Variants in MGAM observed in about 807,000 individuals in gnomAD.
MGAM encodes the protein alpha-1,4-glucosidase.
A neutral mutation model predicts 358.8 loss-of-function variants in MGAM; 253 were observed. The observed-to-expected ratio is 0.71, with a 90% CI of 0.64 to 0.78. MGAM has a LOEUF of 0.78. MGAM is among the 30% of genes least tolerant of loss of function. MGAM has a pLI of 0.00. For synonymous variants in MGAM, 1,105 were observed against 1,227.1 expected (o/e 0.90, Z 2.08); for missense variants, 3,080 against 3,432.6 (o/e 0.90, Z 2.57).
At chr7:142,030,229 C>T in intron 10 of MGAM, 133 bp from the exon 11 acceptor site, 1 of 965,428 alleles carries the variant, frequency 1.0e-6, no homozygotes, top group Non-Finnish European at 1.5e-6. Flanking sequence ...ACTCAGATGC[C>T]AGGAACTGAT....
rs1486103834 is a variant in MGAM at position 142,042,497 on chromosome 7, A to G, written c.2498+1651A>G. Among the ~76,000 whole-genome samples, 2 of 27,676 alleles carry G rather than the reference A, an allele frequency of 7.2e-5. 1 individual carries two copies. The highest frequency in any genetic ancestry group is 1.1e-4 in the Non-Finnish European group (2 of 18,458). The allele number at this position is 27,676 out of a possible 152,430, so 18.2% of individuals were successfully genotyped here. ...TATAATATATATTATATACATATATATAATATATAATATATATTATATATA... is the reference window on the plus strand; with the variant it reads ...TATAATATATATTATATACATATATGTAATATATAATATATATTATATATA... On this transcript the variant is annotated intron_variant, in intron 21 of 70. Coordinates refer to ENST00000475668, the MANE Select transcript of MGAM (RefSeq NM_001365693.1).
rs771119061 is a variant in MGAM, at chr7:142,099,570, C to A, written c.7750-43C>A. ...GCAGGATGCATTGTTCAGGGAGGGG[C>A]CTGTCCTCTCCTTAGTCATCTCTTA... On this transcript the variant is annotated intron_variant, in intron 66 of 70. Transcript: ENST00000475668. The A allele has an allele frequency of 4.3e-6, 7 of 1,613,382 alleles. No homozygotes were observed. The East Asian group carries it at 1.3e-4, about 31-fold the overall frequency.
chr7:142,086,606 TA>T, intron 56 of MGAM, 48 bp from the exon 57 acceptor site: 1 of 924,388 alleles, frequency 1.1e-6, no homozygotes, highest in Non-Finnish European at 1.6e-6. Flanking sequence ...AAATACTATG[TA>T]AGGGAAATTG....
chr7:141,990,324 A>G (rs1803890802), intron 2 of MGAM, among the ~76,000 whole-genome samples: 4 of 152,202 alleles, frequency 2.6e-5, no homozygotes, highest in Admixed American at 6.5e-5. Context: ...TCCAAAGAAC[A>G]TGCACCTGTG....
Position 142,019,267 on chromosome 7 carries a change from T to G in MGAM, c.396T>G (p.Tyr132Ter). 1 of 1,613,716 alleles carries G rather than the reference T, an allele frequency of 6.2e-7. No homozygotes were observed. Among genetic ancestry groups the G allele is most frequent in the South Asian group, 1.1e-5 (1 of 91,082 alleles). ...QGAVSVPWCY[Y>*]SKNHSYHVEG... Reference sequence around the variant, plus strand: ...CTGTAAGTGTTCCCTGGTGCTACTATTCCAAGAATCATAGCTACCATGTAG... The same window carrying G: ...CTGTAAGTGTTCCCTGGTGCTACTAGTCCAAGAATCATAGCTACCATGTAG... The change falls in exon 4 of 71, where the codon TAT becomes TAG. Residue 132 changes from tyrosine (Y) to a stop codon, truncating the protein, a stop_gained. Transcript: ENST00000475668. LOFTEE classifies it high-confidence loss of function.
In MGAM at chr7:142,031,740, A is replaced by G; in HGVS notation, c.1531A>G (p.Thr511Ala). Residue 511 changes from threonine (T) to alanine (A), a missense_variant, in exon 13 of 71, where the codon ACA becomes GCA. Coordinates refer to ENST00000475668, the MANE Select transcript of MGAM (RefSeq NM_001365693.1). ...CAATCCCAACTGTGCTGTTTGGTGG[A>G]CAAAGGAATTTGAGCTTTTTCACAA... ...YTNPNCAVWWTKEFELFHNQV... is the reference protein window; with the variant it reads ...YTNPNCAVWWAKEFELFHNQV... The G allele has an allele frequency of 3.1e-6, 5 of 1,613,494 alleles. No individual in the cohort carries two copies. Among genetic ancestry groups the G allele is most frequent in the South Asian group, 2.2e-5 (2 of 91,068 alleles).
chr7:142,037,357 A>G (rs1458919782), intron 18 of MGAM, among the ~76,000 whole-genome samples: 4 of 152,212 alleles, frequency 2.6e-5, no homozygotes, highest in African/African-American at 4.8e-5. Flanking sequence ...GTAATGCACT[A>G]TAATGCCAGA....
intron 12 of MGAM, among the ~76,000 whole-genome samples, chr7:142,031,021 C>T (rs962977154): frequency 3.3e-5 from 5 of 152,234 alleles, no homozygotes; most frequent in East Asian, 3.9e-4. Flanking sequence ...ACCTCCCACA[C>T]ACTCTGCAGC....
In MGAM at chr7:142,080,919, T is replaced by A; in HGVS notation, c.5976T>A (p.Ile1992=). ...AGAAGAATCCATTTGGGATTGAAAT[T>A]CGCCGGAAGAGTACAGGCACTATAA... ...LIKKNPFGIE[I]RRKSTGTIIW... is the part of the protein sequence containing the mutation. The change falls in exon 50 of 71, where the codon ATT becomes ATA. Residue 1992 remains isoleucine, a synonymous_variant. Coordinates refer to ENST00000475668, the MANE Select transcript of MGAM (RefSeq NM_001365693.1). The A allele has an allele frequency of 6.4e-7, 1 of 1,555,980 alleles. No homozygotes were observed.
rs184956168 is a variant in MGAM, at chr7:141,997,682, T to C, written c.-3+1752T>C. On this transcript the variant is annotated intron_variant, in intron 1 of 70. Coordinates refer to ENST00000475668, the MANE Select transcript of MGAM (RefSeq NM_001365693.1). The stretch of plus-strand genomic sequence containing the variant: ...CCTTTTGCAGTTCAGATGGGGAAAC[T>C]GAGACCCAGAGGGGTTAAGTGGATT... Among the ~76,000 whole-genome samples, 3 of 152,130 alleles carry C rather than the reference T, an allele frequency of 2.0e-5. No homozygotes were observed. In the East Asian group the frequency reaches 5.8e-4, roughly 30 times the overall value.
intron 64 of MGAM, among the ~76,000 whole-genome samples, 169 bp from the exon 65 acceptor site, chr7:142,096,161 TG>T (rs1374165751): frequency 3.3e-5 from 5 of 152,142 alleles, no homozygotes; most frequent in Non-Finnish European, 7.4e-5. Context: ...GCACATCCCA[TG>T]GGGAAAGCAG....
intron 15 of MGAM, 40 bp from the exon 16 acceptor site, chr7:142,034,630 A>G (rs781789355): frequency 1.3e-6 from 2 of 1,580,804 alleles, no homozygotes. Flanking sequence ...GAGACAAGCT[A>G]AGATCCCACA....
intron 20 of MGAM, 66 bp from the exon 21 acceptor site, chr7:142,040,656 T>G: frequency 6.3e-7 from 1 of 1,580,634 alleles, no homozygotes; most frequent in South Asian, 1.2e-5. Context: ...TCACCAGGCA[T>G]GTAGATAATC....
chr7:142,004,310 G>C (rs1202584375), intron 1 of MGAM: 1 of 152,028 alleles, frequency 6.6e-6, no homozygotes, highest in Non-Finnish European at 1.5e-5. Flanking sequence ...ATCAACAGAT[G>C]ATTGGATTAA....
chr7:141,996,387 A>G (rs1339800628), intron 1 of MGAM, among the ~76,000 whole-genome samples: 1 of 152,118 alleles, frequency 6.6e-6, no homozygotes, highest in Non-Finnish European at 1.5e-5. Flanking sequence ...ACATGCATAC[A>G]CATGGAACAA....
chr7:142,057,828 C>T (rs1346133212), intron 30 of MGAM, among the ~76,000 whole-genome samples: 4 of 151,998 alleles, frequency 2.6e-5, no homozygotes, highest in East Asian at 1.9e-4. Flanking sequence ...TATTATTATC[C>T]GTTATTTACA....
At position 142,030,671 on chromosome 7, in the gene MGAM, A is replaced by G. The variant is rs76276410; in HGVS notation, c.1384A>G (p.Ser462Gly). The G allele has an allele frequency of 5.4e-4, 868 of 1,613,226 alleles. 4 individuals carry two copies. The African/African-American group carries it at 9.1e-3, about 17-fold the overall frequency. Residue 462 changes from serine to glycine, a missense_variant, in exon 12 of 71, where the codon AGT (serine) becomes GGT (glycine). Ser to Gly is a moderately conservative substitution (Grantham distance 56, BLOSUM62 0). This residue lies in a region of MGAM where 1,816 missense variants were observed against 1,840.5 expected (regional missense o/e 0.99). Transcript: ENST00000475668. ...AGCCATCTCCAACAACTCTTCCTCAAGTAAACCCTATGGCCCATATGACAG... is the reference window on the plus strand; with the variant it reads ...AGCCATCTCCAACAACTCTTCCTCAGGTAAACCCTATGGCCCATATGACAG... The part of the protein sequence containing the change: ...DPAISNNSSS[S>G]KPYGPYDRGS...
intron 21 of MGAM, among the ~76,000 whole-genome samples, chr7:142,043,118 A>G (rs1809273445): frequency 4.6e-5 from 1 of 21,658 alleles, no homozygotes; most frequent in East Asian, 1.7e-3. Flanking sequence ...ATATCTAAAT[A>G]TAATATATAT....
intron 24 of MGAM, 49 bp downstream of exon 24, chr7:142,050,913 T>C (rs760161160): frequency 1.5e-4 from 236 of 1,611,070 alleles, no homozygotes; most frequent in South Asian, 2.5e-4. Flanking sequence ...CTCCATAGCA[T>C]CGTGATGTTC....
Sources: allele counts gnomAD v4.1 joint callset (sites outside exome capture counted in the v4.1 genomes callset), GRCh38; gene constraint gnomAD v4.1.1; regional missense constraint gnomAD v4.1.1; transcripts MANE v1.5; gene names NCBI Gene and HGNC (gene_info 2026-07-23, HGNC 2026-07-21).